MAGI2: variants seen among roughly 807,000 people sequenced by gnomAD.
MAGI2 encodes the protein membrane associated guanylate kinase, WW and PDZ domain containing 2.
Under a neutral mutation model 133.3 loss-of-function variants are expected in MAGI2, and 35 were observed. The observed-to-expected ratio is 0.26, with a 90% confidence interval of 0.20 to 0.35. MAGI2 has a LOEUF of 0.35. MAGI2 is among the 10% of genes least tolerant of loss of function. The probability of loss-of-function intolerance (pLI) is 1.00; values close to 1 mark genes in which losing one functional copy is unlikely to be tolerated. For synonymous variants in MAGI2, 729 were observed against 710.6 expected (o/e 1.03, Z -0.41); for missense variants, 1,636 against 1,863.4 (o/e 0.88, Z 2.25).
chr7:78,987,103 T>A (rs1805336826), intron 2 of MAGI2, among the ~76,000 whole-genome samples: 1 of 152,040 alleles, frequency 6.6e-6, no homozygotes, highest in Admixed American at 6.6e-5. Flanking sequence ...GCATTAATTT[T>A]CATACAGAAG....
chr7:78,454,775 A>G (rs1384056171), intron 6 of MAGI2, among the ~76,000 whole-genome samples: 4 of 152,152 alleles, frequency 2.6e-5, no homozygotes, highest in Non-Finnish European at 5.9e-5. Context: ...AAAAGTCATA[A>G]AAGTACCTTA....
chr7:79,303,115 A>G (rs1242594321), intron 1 of MAGI2, among the ~76,000 whole-genome samples: 4 of 152,184 alleles, frequency 2.6e-5, no homozygotes, highest in Non-Finnish European at 5.9e-5. Flanking sequence ...TAAGCACCAT[A>G]TACAATTTCC....
At position 78,033,594 on chromosome 7, in the gene MAGI2, T is replaced by C. The variant is rs577544953; in HGVS notation, c.3707-13618A>G. Among the ~76,000 whole-genome samples, 5 of 152,328 alleles carry C rather than the reference T, an allele frequency of 3.3e-5. No homozygotes were observed. In the South Asian group the frequency reaches 1.0e-3, roughly 32 times the overall value. ...TGCCTTCAGGGAACTCATGGTACTA[T>C]TTCAAATTTCTAGACTTCTAGAGGG... is the stretch of plus-strand genomic sequence containing the variant. On this transcript the variant is annotated intron_variant, in intron 21 of 21. Transcript: ENST00000354212.
intron 15 of MAGI2, among the ~76,000 whole-genome samples, chr7:78,164,614 G>A (rs1825436890): frequency 6.6e-6 from 1 of 152,236 alleles, no homozygotes; most frequent in African/African-American, 2.4e-5. Flanking sequence ...GGAACGTACT[G>A]GCACCTTCAA....
At chr7:79,189,430 A>C (rs1827458872) in intron 1 of MAGI2, among the ~76,000 whole-genome samples, 1 of 151,594 alleles carries the variant, frequency 6.6e-6, no homozygotes, top group Non-Finnish European at 1.5e-5. Context: ...ATTAAAAGTA[A>C]ATTTTCTGGA....
At chr7:78,927,020 G>A (rs545951859) in intron 2 of MAGI2, among the ~76,000 whole-genome samples, 1 of 151,938 alleles carries the variant, frequency 6.6e-6, no homozygotes, top group South Asian at 2.1e-4. Flanking sequence ...CCTAAACAGT[G>A]GTTTACAGGA....
At chr7:78,512,661 C>G (rs1795704890) in intron 4 of MAGI2, among the ~76,000 whole-genome samples, 1 of 152,140 alleles carries the variant, frequency 6.6e-6, no homozygotes, top group African/African-American at 2.4e-5. Flanking sequence ...GCCTCGGCCT[C>G]TCAATATATA....
At chr7:79,233,852 G>A (rs1335442503) in intron 1 of MAGI2, among the ~76,000 whole-genome samples, 2 of 151,314 alleles carry the variant, frequency 1.3e-5, no homozygotes, top group Non-Finnish European at 3.0e-5. Context: ...GTTAGCTGGT[G>A]ATTTTGCTTG....
intron 2 of MAGI2, among the ~76,000 whole-genome samples, chr7:78,836,564 G>T (rs1360908878): frequency 2.6e-5 from 4 of 152,098 alleles, no homozygotes; most frequent in African/African-American, 9.7e-5. Flanking sequence ...TAATCATAAA[G>T]CTATTTTAAT....
At chr7:78,460,917 T>C (rs752439453) in intron 6 of MAGI2, among the ~76,000 whole-genome samples, 1 of 151,322 alleles carries the variant, frequency 6.6e-6, no homozygotes, top group East Asian at 2.0e-4. Context: ...GCCATCACTA[T>C]TGGAGTCAAT....
In MAGI2 at chr7:78,524,139, T is replaced by C. The variant is rs755057219; in HGVS notation, c.539-2494A>G. On this transcript the variant is annotated intron_variant, in intron 3 of 21. Coordinates refer to ENST00000354212, the MANE Select transcript of MAGI2 (RefSeq NM_012301.4). Reference sequence around the variant, plus strand: ...TGGGCTGCCAAGGAAGCAGAAGAGATGTGCACTCTCCTTTGATTTCAGTAG... The same window carrying C: ...TGGGCTGCCAAGGAAGCAGAAGAGACGTGCACTCTCCTTTGATTTCAGTAG... Among the ~76,000 whole-genome samples the C allele has an allele frequency of 3.6e-4, 55 of 151,914 alleles. 1 individual carries two copies. The highest frequency in any genetic ancestry group is 5.3e-4 in the Non-Finnish European group (36 of 67,970).
chr7:78,618,970 C>G (rs1807411170), intron 3 of MAGI2: 1 of 115,034 alleles, frequency 8.7e-6, no homozygotes, highest in South Asian at 2.9e-4. Flanking sequence ...AGCATGGTGA[C>G]TATAGTCATC....
intron 2 of MAGI2, among the ~76,000 whole-genome samples, chr7:78,821,271 C>A (rs1790082442): frequency 6.6e-6 from 1 of 152,022 alleles, no homozygotes; most frequent in Non-Finnish European, 1.5e-5. Flanking sequence ...CTACTATGTG[C>A]CAGGCACTGT....
chr7:78,823,341 T>C (rs982516140), intron 2 of MAGI2, among the ~76,000 whole-genome samples: 4 of 151,840 alleles, frequency 2.6e-5, no homozygotes, highest in Non-Finnish European at 5.9e-5. Flanking sequence ...CCCAGCACTT[T>C]GGGAGGCCGA....
At chr7:79,430,231 T>TA (rs1406764599) in intron 1 of MAGI2, among the ~76,000 whole-genome samples, 4 of 152,180 alleles carry the variant, frequency 2.6e-5, no homozygotes, top group African/African-American at 9.6e-5. Context: ...GTTATTTCTT[T>TA]ACTTTATTGT....
At chr7:78,267,373 C>G (rs571083875) in intron 9 of MAGI2, among the ~76,000 whole-genome samples, 2 of 152,132 alleles carry the variant, frequency 1.3e-5, no homozygotes, top group African/African-American at 2.4e-5. Flanking sequence ...CAGGGTTTGA[C>G]GAGAGAGCCC....
At chr7:79,428,279 G>C (rs1847534744) in intron 1 of MAGI2, among the ~76,000 whole-genome samples, 1 of 152,120 alleles carries the variant, frequency 6.6e-6, no homozygotes, top group South Asian at 2.1e-4. Context: ...AACAAGCAGA[G>C]AAGTATTGCT....
chr7:79,042,328 G>A (rs563712085), intron 1 of MAGI2, among the ~76,000 whole-genome samples: 3 of 152,062 alleles, frequency 2.0e-5, no homozygotes, highest in Non-Finnish European at 2.9e-5. Flanking sequence ...AGTCTGTTTC[G>A]TCTGAAGTTA....
chr7:78,089,136 C>T (rs942135559), intron 20 of MAGI2, among the ~76,000 whole-genome samples: 1 of 152,192 alleles, frequency 6.6e-6, no homozygotes. Flanking sequence ...GTGAAACAAA[C>T]CGATTTCAGA....
Sources: gnomAD v4.1 joint callset for allele counts (sites outside exome capture counted in the v4.1 genomes callset) on GRCh38, gnomAD v4.1.1 for gene constraint, MANE v1.5 for transcripts, NCBI Gene and HGNC (gene_info 2026-07-23, HGNC 2026-07-21) for gene names.